The following SMARCD1 variants were observed in gnomAD, a reference collection of about 807,000 sequenced individuals.
SMARCD1 encodes SWI/SNF-related matrix-associated actin-dependent regulator of chromatin subfamily D member 1.
Under a neutral mutation model 70.8 loss-of-function variants are expected in SMARCD1, and 16 were observed. The observed-to-expected ratio is 0.23, with a 90% CI of 0.15 to 0.34. SMARCD1 has a LOEUF of 0.34. SMARCD1 is among the 10% of genes least tolerant of loss of function. SMARCD1 has a pLI of 1.00. For missense variants in SMARCD1, 409 were observed against 655.5 expected (o/e 0.62, Z 4.11); for synonymous variants, 249 against 246.0 (o/e 1.01, Z -0.11).
rs151088527 is a variant in SMARCD1, at chr12:50,094,701, C to G, written c.1269+129C>G. 441 of 835,492 alleles carry G rather than the reference C, an allele frequency of 5.3e-4. 1 individual carries two copies. The African/African-American group carries it at 7.2e-3, about 14-fold the overall frequency. The allele number at this position is 835,492 out of a possible 1,614,324, so 51.8% of individuals were successfully genotyped here. On this transcript the variant is annotated intron_variant, in intron 10 of 12. Transcript: ENST00000394963. ...TATATGTCAGGTACTGTGCTTGGTG[C>G]TGGTTTGAGCCAGACTCAAATGAAT...
rs943380345 is a variant in SMARCD1 at position 50,099,389 on chromosome 12, C to T, written c.*389C>T. The T allele has an allele frequency of 6.1e-5, 28 of 455,460 alleles. No individual in the cohort carries two copies. The highest frequency in any genetic ancestry group is 1.8e-4 in the African/African-American group (9 of 50,754). 28.2% of individuals were successfully genotyped at this position (455,460 alleles called of 1,614,324 possible). A position where few individuals can be genotyped will look rare whatever the true frequency, so the allele number is the denominator to read the frequency against. On this transcript the variant is annotated 3_prime_UTR_variant, in exon 13 of 13. Coordinates refer to ENST00000394963, the MANE Select transcript of SMARCD1 (RefSeq NM_003076.5). ...CAGAGACCCAGGAGTTGGGAGCTTT[C>T]GCTCCTTCTCCAAGACTCAGGCCTG...
At chr12:50,090,631 C>A in intron 9 of SMARCD1, 41 bp downstream of exon 9, 1 of 1,493,256 alleles carries the variant, frequency 6.7e-7, no homozygotes, top group Non-Finnish European at 9.3e-7. Context: ...CCGGAGCTGC[C>A]TTGTGCCGAT....
At chr12:50,095,573 C>T (rs1182397327) in intron 10 of SMARCD1, among the ~76,000 whole-genome samples, 2 of 152,138 alleles carry the variant, frequency 1.3e-5, no homozygotes, top group African/African-American at 2.4e-5. Context: ...GTGATCCACC[C>T]GCTTCGGCCT....
rs547621418 is a variant in SMARCD1 at position 50,097,470 on chromosome 12, T to C, written c.1392+498T>C. On this transcript the variant is annotated intron_variant, in intron 11 of 12. Transcript: ENST00000394963. ...GGGAGGCTAAGGCAGGAGAATTGCTTGAACCCAGGAAGCAGAGGTTGCAGT... is the reference window on the plus strand; with the variant it reads ...GGGAGGCTAAGGCAGGAGAATTGCTCGAACCCAGGAAGCAGAGGTTGCAGT... Among the ~76,000 whole-genome samples, 19 of 152,178 alleles carry C rather than the reference T, an allele frequency of 1.2e-4. 1 individual carries two copies. In the East Asian group the frequency reaches 3.7e-3, roughly 29 times the overall value.
chr12:50,096,518 T>A (rs1950894463), intron 10 of SMARCD1: 1 of 194,898 alleles, frequency 5.1e-6, no homozygotes, highest in Admixed American at 5.5e-5. Context: ...GACAGCCCCA[T>A]ATGCCAGTCC....
chr12:50,088,696 C>A (rs749464411), intron 6 of SMARCD1, 59 bp downstream of exon 6: 4 of 957,124 alleles, frequency 4.2e-6, no homozygotes, highest in South Asian at 1.4e-5. Context: ...ACTTGGGAGC[C>A]GTATTTTAAT....
intron 11 of SMARCD1, among the ~76,000 whole-genome samples, chr12:50,098,110 CTG>C (rs964197217): frequency 2.0e-5 from 3 of 152,094 alleles, no homozygotes; most frequent in Non-Finnish European, 4.4e-5. Context: ...CCTGTGCTGA[CTG>C]TGACGAGTTA....
rs948831018 is a variant in SMARCD1, at chr12:50,086,018, A to G, written c.178-143A>G. 4 of 541,458 alleles carry G rather than the reference A, an allele frequency of 7.4e-6. No individual in the cohort carries two copies. The Admixed American group carries it at 1.4e-4, about 18-fold the overall frequency. 33.5% of individuals were successfully genotyped at this position (541,458 alleles called of 1,614,324 possible). A position where few individuals can be genotyped will look rare whatever the true frequency, so the allele number is the denominator to read the frequency against. ...TGTTTTTCTATGGAGTCACTACTGG[A>G]GCAAAGGGTTCTCCTCTCATTGTCC... On this transcript the variant is annotated intron_variant, in intron 1 of 12. Coordinates refer to ENST00000394963, the MANE Select transcript of SMARCD1 (RefSeq NM_003076.5).
At position 50,099,003 on chromosome 12, in the gene SMARCD1, C is replaced by T. The variant is rs749665780; in HGVS notation, c.*3C>T. 1 of 1,613,604 alleles carries T rather than the reference C, an allele frequency of 6.2e-7. No homozygotes were observed. The highest frequency in any genetic ancestry group is 8.5e-7 in the Non-Finnish European group (1 of 1,179,544). Reference sequence around the variant, plus strand: ...CCCTGGGAATCCGGAATACATAGGGCCTCTCCCACAGCCCTGATTCGACTG... The same window carrying T: ...CCCTGGGAATCCGGAATACATAGGGTCTCTCCCACAGCCCTGATTCGACTG... On this transcript the variant is annotated 3_prime_UTR_variant, in exon 13 of 13. Transcript: ENST00000394963.
intron 11 of SMARCD1, 112 bp from the exon 12 acceptor site, chr12:50,098,602 T>C: frequency 1.2e-6 from 1 of 803,960 alleles, no homozygotes; most frequent in Non-Finnish European, 2.0e-6. Flanking sequence ...AGGGGTTGGT[T>C]AGACTTCAAC....
chr12:50,092,464 C>T (rs1333575251), intron 9 of SMARCD1, among the ~76,000 whole-genome samples: 1 of 150,642 alleles, frequency 6.6e-6, no homozygotes, highest in African/African-American at 2.4e-5. Flanking sequence ...TCACGTGATC[C>T]ACCCGCCTCG....
At chr12:50,088,334 G>T (rs1180906006) in intron 5 of SMARCD1, 187 bp from the exon 6 acceptor site, 4 of 694,980 alleles carry the variant, frequency 5.8e-6, no homozygotes, top group Non-Finnish European at 1.1e-5. Flanking sequence ...CTTCTTCAGG[G>T]TTCTGTTGCT....
intron 6 of SMARCD1, chr12:50,089,249 G>A (rs11169270): frequency 0.23 from 34,895 of 152,322 alleles, 5,318 homozygotes; most frequent in South Asian, 0.37. Context: ...TGCCAGTGTA[G>A]CTGCAGCCCC....
Position 50,086,845 on chromosome 12 carries a change from A to G in SMARCD1, c.498A>G (p.Leu166=). 1 of 1,614,196 alleles carries G rather than the reference A, an allele frequency of 6.2e-7. No homozygotes were observed. The highest frequency in any genetic ancestry group is 2.2e-5 in the East Asian group (1 of 44,888). Residue 166 remains leucine, a synonymous_variant, in exon 4 of 13, where the codon CTA becomes CTG. Coordinates refer to ENST00000394963, the MANE Select transcript of SMARCD1 (RefSeq NM_003076.5). ...KLDQTIMRKR[L]DIQEALKRPI... ...ACCAGACTATCATGAGGAAACGGCT[A>G]GATATCCAAGAGGCCTTGAAACGTC...
At position 50,099,805 on chromosome 12, in the gene SMARCD1, G is replaced by C. The variant is rs1413545306; in HGVS notation, c.*805G>C. On this transcript the variant is annotated 3_prime_UTR_variant, in exon 13 of 13. Coordinates refer to ENST00000394963, the MANE Select transcript of SMARCD1 (RefSeq NM_003076.5). The stretch of plus-strand genomic sequence containing the variant: ...GGAACTGTCATTGCCAGCAGAGGCT[G>C]TTCCTTCCTGCTGTTTGGAGATGTG... 1.3e-5 allele frequency: 2 copies of C among 154,014 alleles called. No individual in the cohort carries two copies. The highest frequency in any genetic ancestry group is 4.8e-5 in the African/African-American group (2 of 41,474). The allele number at this position is 154,014 out of a possible 1,614,324, so 9.5% of individuals were successfully genotyped here.
chr12:50,089,810 C>A, intron 6 of SMARCD1, 74 bp from the exon 7 acceptor site: 1 of 1,041,068 alleles, frequency 9.6e-7, no homozygotes, highest in South Asian at 1.4e-5. Context: ...AATATTCAGT[C>A]ATTACAGAAG....
intron 5 of SMARCD1, chr12:50,088,239 A>G (rs1264906043): frequency 1.0e-5 from 7 of 701,916 alleles, no homozygotes; most frequent in African/African-American, 3.5e-5. Flanking sequence ...TCGCTTAGTT[A>G]TGTGCAATGG....
At chr12:50,086,090 C>A in intron 1 of SMARCD1, 71 bp from the exon 2 acceptor site, 1 of 1,199,736 alleles carries the variant, frequency 8.3e-7, no homozygotes, top group Non-Finnish European at 1.1e-6. Context: ...CTCAGGCGTT[C>A]CCTGCTTTTC....
chr12:50,087,615 G>C (rs1427085453), intron 5 of SMARCD1, 130 bp downstream of exon 5: 14 of 1,099,382 alleles, frequency 1.3e-5, no homozygotes, highest in Non-Finnish European at 1.7e-5. Flanking sequence ...GAGGGACACT[G>C]TTCCCTGCAC....
Sources: gnomAD v4.1 joint callset for allele counts (sites outside exome capture counted in the v4.1 genomes callset) on GRCh38, gnomAD v4.1.1 for gene constraint, MANE v1.5 for transcripts, NCBI Gene and HGNC (gene_info 2026-07-23, HGNC 2026-07-21) for gene names.